The following DPP10 variants were observed in gnomAD, a reference collection of about 807,000 sequenced individuals.
The protein encoded by DPP10 is dipeptidyl peptidase like 10, also known as inactive dipeptidyl peptidase 10.
In DPP10, 33 loss-of-function variants were observed where a neutral mutation model predicts 120.9. The observed-to-expected ratio is 0.27, with a 90% CI of 0.21 to 0.37. The LOEUF is 0.37. Ranked by LOEUF, DPP10 falls within the 10% of genes least tolerant of loss-of-function variation. The pLI is 1.00. For missense variants in DPP10, 816 were observed against 942.8 expected (o/e 0.87, Z 1.76); for synonymous variants, 337 against 326.1 (o/e 1.03, Z -0.36).
intron 1 of DPP10, among the ~76,000 whole-genome samples, chr2:114,554,498 C>A (rs1053865209): frequency 2.0e-5 from 3 of 152,160 alleles, no homozygotes; most frequent in African/African-American, 4.8e-5. Flanking sequence ...GATAACCTAC[C>A]TATTACCTTA....
intron 3 of DPP10, among the ~76,000 whole-genome samples, chr2:115,445,675 G>T (rs180782167): frequency 3.9e-5 from 6 of 152,202 alleles, no homozygotes; most frequent in Admixed American, 1.3e-4. Flanking sequence ...TTCAAGAGGT[G>T]ACAGAGCATA....
At chr2:115,466,031 A>G (rs530135778) in intron 3 of DPP10, among the ~76,000 whole-genome samples, 95 of 152,272 alleles carry the variant, frequency 6.2e-4, no homozygotes, top group African/African-American at 2.2e-3. Flanking sequence ...AGAACTCACT[A>G]TTACTGTTTA....
At chr2:114,517,575 G>A (rs896066119) in intron 1 of DPP10, among the ~76,000 whole-genome samples, 1 of 151,800 alleles carries the variant, frequency 6.6e-6, no homozygotes, top group Admixed American at 6.6e-5. Context: ...AGGACTTTAA[G>A]GAAGTGTGTA....
At chr2:115,202,264 A>G (rs2055790102) in intron 1 of DPP10, among the ~76,000 whole-genome samples, 1 of 152,162 alleles carries the variant, frequency 6.6e-6, no homozygotes, top group African/African-American at 2.4e-5. Flanking sequence ...TAAAGCAATA[A>G]AGGCTACTGA....
At chr2:115,177,366 G>A (rs1291085915) in intron 1 of DPP10, among the ~76,000 whole-genome samples, 1 of 152,188 alleles carries the variant, frequency 6.6e-6, no homozygotes, top group African/African-American at 2.4e-5. Context: ...CTAAGCATCT[G>A]ATTTAAGCCT....
At chr2:115,643,457 C>A (rs758319589) in intron 5 of DPP10, among the ~76,000 whole-genome samples, 1 of 152,016 alleles carries the variant, frequency 6.6e-6, no homozygotes, top group Non-Finnish European at 1.5e-5. Context: ...GTATAGACTG[C>A]GAAATCCATA....
chr2:115,087,868 A>G (rs1270347401), intron 1 of DPP10, among the ~76,000 whole-genome samples: 2 of 152,066 alleles, frequency 1.3e-5, no homozygotes, highest in Non-Finnish European at 2.9e-5. Context: ...CTGCCTTTCT[A>G]ACAAGTTCTC....
intron 1 of DPP10, among the ~76,000 whole-genome samples, chr2:115,147,108 T>G (rs1461292715): frequency 4.0e-5 from 6 of 151,790 alleles, no homozygotes; most frequent in African/African-American, 1.5e-4. Flanking sequence ...GTCGTTTTAT[T>G]GGATGGAAAA....
Position 114,655,129 on chromosome 2 carries a change from C to T in DPP10, c.60+212291C>T, listed in dbSNP as rs78438129. On this transcript the variant is annotated intron_variant, in intron 1 of 25. Transcript: ENST00000410059. ...GACTGAATAAGACAATGGATAACAA[C>T]GACACAGCATAATGCCTGAAGCATC... Among the ~76,000 whole-genome samples, 7 of 152,104 alleles carry T rather than the reference C, an allele frequency of 4.6e-5. No homozygotes were observed. In the East Asian group the frequency reaches 5.8e-4, roughly 13 times the overall value.
chr2:114,541,186 T>A (rs13008254), intron 1 of DPP10, among the ~76,000 whole-genome samples: 9,415 of 152,268 alleles, frequency 0.062, 372 homozygotes, highest in South Asian at 0.11. Flanking sequence ...TGTATTTTTG[T>A]TTTAAATGTA....
chr2:115,158,722 A>G (rs2052084679), intron 1 of DPP10, among the ~76,000 whole-genome samples: 1 of 152,232 alleles, frequency 6.6e-6, no homozygotes, highest in African/African-American at 2.4e-5. Flanking sequence ...ATGTTATAAA[A>G]TGTATGCTTG....
chr2:115,573,407 C>A, intron 5 of DPP10, among the ~76,000 whole-genome samples: 1 of 148,964 alleles, frequency 6.7e-6, no homozygotes, highest in Middle Eastern at 3.6e-3. Context: ...CTCAGCCTCC[C>A]GAGTAGCTGG....
chr2:114,563,964 G>A (rs187525051), intron 1 of DPP10, among the ~76,000 whole-genome samples: 1 of 152,286 alleles, frequency 6.6e-6, no homozygotes. Flanking sequence ...CTGGGATGGA[G>A]CTCGCAGCTC....
intron 1 of DPP10, among the ~76,000 whole-genome samples, chr2:115,007,681 T>C (rs1269696229): frequency 1.3e-5 from 2 of 151,784 alleles, no homozygotes; most frequent in Admixed American, 1.3e-4. Context: ...GAAAACCCCA[T>C]TGTCTCAGCC....
At chr2:114,570,563 C>T (rs1004333148) in intron 1 of DPP10, among the ~76,000 whole-genome samples, 1 of 151,936 alleles carries the variant, frequency 6.6e-6, no homozygotes, top group Non-Finnish European at 1.5e-5. Flanking sequence ...TGGTGGCTCA[C>T]GCCTGTAATC....
intron 3 of DPP10, among the ~76,000 whole-genome samples, chr2:115,458,551 A>G (rs1318387904): frequency 6.6e-6 from 1 of 152,128 alleles, no homozygotes; most frequent in Non-Finnish European, 1.5e-5. Flanking sequence ...AAGGCAAACA[A>G]TGGGTGAAGA....
intron 1 of DPP10, among the ~76,000 whole-genome samples, chr2:114,986,806 T>C (rs1454460491): frequency 6.6e-6 from 1 of 152,216 alleles, no homozygotes; most frequent in Non-Finnish European, 1.5e-5. Flanking sequence ...AGTCTCACTC[T>C]GTCGCCTAGG....
intron 5 of DPP10, among the ~76,000 whole-genome samples, chr2:115,559,919 C>T (rs978801530): frequency 1.3e-5 from 2 of 151,950 alleles, no homozygotes; most frequent in African/African-American, 4.8e-5. Context: ...CATTGTCTAC[C>T]AAGCTTCCAT....
chr2:115,330,531 T>A (rs1404162355), intron 2 of DPP10, among the ~76,000 whole-genome samples: 3 of 151,972 alleles, frequency 2.0e-5, no homozygotes, highest in South Asian at 4.1e-4. Context: ...CTGAATGGTA[T>A]TGCCTAGGTT....
Sources: gnomAD v4.1 joint callset for allele counts (sites outside exome capture counted in the v4.1 genomes callset) on GRCh38, gnomAD v4.1.1 for gene constraint, MANE v1.5 for transcripts, NCBI Gene and HGNC (gene_info 2026-07-23, HGNC 2026-07-21) for gene names.